PGM1: variants seen among roughly 807,000 people sequenced by gnomAD.
PGM1 encodes phosphoglucomutase 1, also known as phosphoglucomutase-1.
Under a neutral mutation model 55.6 loss-of-function variants are expected in PGM1, and 52 were observed. That is an observed-to-expected ratio of 0.94 (90% confidence interval 0.75 to 1.18). The LOEUF is 1.18. PGM1 is among the 50% of genes most tolerant of loss of function. The pLI is 0.00. For synonymous variants in PGM1, 287 were observed against 271.7 expected (o/e 1.06, Z -0.55); for missense variants, 724 against 729.3 (o/e 0.99, Z 0.08).
chr1:63,642,790 T>G (rs1466425358), intron 7 of PGM1, among the ~76,000 whole-genome samples: 1 of 152,220 alleles, frequency 6.6e-6, no homozygotes, highest in Non-Finnish European at 1.5e-5. Context: ...CTTAAAGAAA[T>G]ACAGCATTAA....
At position 63,607,624 on chromosome 1, in the gene PGM1, C is replaced by T. The variant is rs534335054; in HGVS notation, c.246+13890C>T. 3.3e-5 allele frequency among the ~76,000 whole-genome samples: 5 copies of T among 152,256 alleles called. No individual in the cohort carries two copies. In the South Asian group the frequency reaches 8.3e-4, roughly 25 times the overall value. ...GTCAAAAAAAGGAGGCGACATTTCTCCAGAATAGCTTCTTCATTTTCGTGA... is the reference window on the plus strand; with the variant it reads ...GTCAAAAAAAGGAGGCGACATTTCTTCAGAATAGCTTCTTCATTTTCGTGA... On this transcript the variant is annotated intron_variant, in intron 1 of 10. Transcript: ENST00000371084.
chr1:63,637,025 A>G (rs1426646740), intron 6 of PGM1, among the ~76,000 whole-genome samples: 2 of 152,250 alleles, frequency 1.3e-5, no homozygotes, highest in African/African-American at 2.4e-5. Flanking sequence ...AATGAAAGTC[A>G]TAACAGATGA....
At chr1:63,647,553 A>T (rs1242574626) in intron 7 of PGM1, among the ~76,000 whole-genome samples, 4 of 150,954 alleles carry the variant, frequency 2.6e-5, no homozygotes, top group African/African-American at 9.7e-5. Context: ...AATATATACT[A>T]GTATTTAAAA....
chr1:63,632,994 G>A (rs1649238094), intron 4 of PGM1, among the ~76,000 whole-genome samples: 1 of 152,174 alleles, frequency 6.6e-6, no homozygotes, highest in African/African-American at 2.4e-5. Context: ...CTGCCCCCCA[G>A]CCTGGGCGAC....
chr1:63,651,057 G>C (rs1649793642), intron 8 of PGM1, among the ~76,000 whole-genome samples: 2 of 151,788 alleles, frequency 1.3e-5, no homozygotes, highest in Admixed American at 6.6e-5. Flanking sequence ...CATGTATCTT[G>C]AAACTTACTA....
chr1:63,602,588 G>A (rs1026623136), intron 1 of PGM1, among the ~76,000 whole-genome samples: 2 of 138,096 alleles, frequency 1.4e-5, no homozygotes, highest in East Asian at 2.2e-4. Context: ...CCTGTATGTT[G>A]TACTCCAATG....
At chr1:63,628,761 C>T (rs1649106761) in intron 1 of PGM1, among the ~76,000 whole-genome samples, 1 of 152,116 alleles carries the variant, frequency 6.6e-6, no homozygotes. Flanking sequence ...CCATCTGTCG[C>T]CCTTTCATGT....
Position 63,606,151 on chromosome 1 carries a change from T to A in PGM1, c.246+12417T>A, listed in dbSNP as rs575576823. Among the ~76,000 whole-genome samples, 13 of 152,360 alleles carry A rather than the reference T, an allele frequency of 8.5e-5. No individual in the cohort carries two copies. The South Asian group carries it at 1.7e-3, about 19-fold the overall frequency. On this transcript the variant is annotated intron_variant, in intron 1 of 10. Coordinates refer to ENST00000371084, the MANE Select transcript of PGM1 (RefSeq NM_002633.3). ...AGTTGACAAGCACTCATGTTCTGAA[T>A]TCTGCCAACCATTTGTCTCAAGCTA... is the stretch of plus-strand genomic sequence containing the variant.
At chr1:63,641,905 A>G (rs1649528138) in intron 7 of PGM1, among the ~76,000 whole-genome samples, 1 of 152,198 alleles carries the variant, frequency 6.6e-6, no homozygotes, top group Non-Finnish European at 1.5e-5. Context: ...CCATTTAGAC[A>G]GATTCCTGCT....
At chr1:63,606,112 T>C (rs369559423) in intron 1 of PGM1, among the ~76,000 whole-genome samples, 1 of 152,234 alleles carries the variant, frequency 6.6e-6, no homozygotes. Context: ...CCCGTCTTTA[T>C]TGTAGCAAGA....
intron 4 of PGM1, among the ~76,000 whole-genome samples, chr1:63,633,585 C>T (rs920729988): frequency 2.6e-5 from 4 of 152,048 alleles, no homozygotes; most frequent in Admixed American, 6.6e-5. Flanking sequence ...TTCAGAGATG[C>T]GTGTTCTTGG....
chr1:63,611,173 T>C (rs575391333), intron 1 of PGM1, among the ~76,000 whole-genome samples: 16 of 152,066 alleles, frequency 1.1e-4, no homozygotes, highest in African/African-American at 3.6e-4. Context: ...TTAGGGTGTA[T>C]TGGGGGCCCT....
intron 1 of PGM1, among the ~76,000 whole-genome samples, chr1:63,600,902 A>G (rs1268023870): frequency 6.6e-6 from 1 of 152,228 alleles, no homozygotes; most frequent in Non-Finnish European, 1.5e-5. Flanking sequence ...ATCTTGGGAT[A>G]ATAAGATGTG....
chr1:63,633,510 T>G (rs866935121), intron 4 of PGM1, among the ~76,000 whole-genome samples: 22 of 152,314 alleles, frequency 1.4e-4, no homozygotes, highest in African/African-American at 5.3e-4. Context: ...TACAGTGTTA[T>G]GACCTCTGGG....
intron 1 of PGM1, chr1:63,623,366 C>G: frequency 6.5e-7 from 1 of 1,527,882 alleles, no homozygotes; most frequent in Non-Finnish European, 8.7e-7. Context: ...GTTACTCATA[C>G]GACACTGTTG....
chr1:63,600,243 T>C (rs1340211193), intron 1 of PGM1: 1 of 152,242 alleles, frequency 6.6e-6, no homozygotes, highest in African/African-American at 2.4e-5. Context: ...ACTTTTTCTT[T>C]CTTGGCTTCA....
intron 1 of PGM1, among the ~76,000 whole-genome samples, chr1:63,625,805 T>G (rs760181546): frequency 5.9e-5 from 9 of 152,190 alleles, no homozygotes; most frequent in Non-Finnish European, 1.0e-4. Context: ...CTCTCTGCTT[T>G]TAAAGGACGT....
At chr1:63,595,998 C>T (rs1648054552) in intron 1 of PGM1, among the ~76,000 whole-genome samples, 1 of 152,190 alleles carries the variant, frequency 6.6e-6, no homozygotes, top group Non-Finnish European at 1.5e-5. Context: ...CCCTCCACTA[C>T]TCCAGTAGAA....
At chr1:63,651,348 A>G (rs869167510) in intron 8 of PGM1, 1 of 320,392 alleles carries the variant, frequency 3.1e-6, no homozygotes, top group African/African-American at 2.2e-5. Flanking sequence ...CCTCCTCAGG[A>G]TGTGGTGACT....
Sources: allele counts gnomAD v4.1 joint callset (sites outside exome capture counted in the v4.1 genomes callset), GRCh38; gene constraint gnomAD v4.1.1; transcripts MANE v1.5; gene names NCBI Gene and HGNC (gene_info 2026-07-23, HGNC 2026-07-21).